GRM7: variants seen among roughly 807,000 people sequenced by gnomAD.
GRM7 encodes the protein glutamate metabotropic receptor 7.
GRM7 carries 35 observed loss-of-function variants against 84.5 expected under a neutral mutation model. That is an observed-to-expected ratio of 0.41 (90% CI 0.32 to 0.55). The LOEUF (loss-of-function observed/expected upper bound fraction) is 0.55. Ranked by LOEUF, GRM7 falls within the 20% of genes least tolerant of loss-of-function variation. The pLI is 0.19. For synonymous variants in GRM7, 487 were observed against 455.1 expected (o/e 1.07, Z -0.89); for missense variants, 1,003 against 1,194.6 (o/e 0.84, Z 2.36).
chr3:6,964,957 C>G (rs1693456821), intron 1 of GRM7, among the ~76,000 whole-genome samples: 2 of 152,178 alleles, frequency 1.3e-5, no homozygotes, highest in African/African-American at 4.8e-5. Flanking sequence ...TTCCAAATGT[C>G]TATTTTATCT....
intron 3 of GRM7, among the ~76,000 whole-genome samples, chr3:7,305,760 T>C (rs921241984): frequency 3.4e-4 from 52 of 152,248 alleles, no homozygotes; most frequent in African/African-American, 1.2e-3. Flanking sequence ...CTGTGGTGCC[T>C]GATACTCCCA....
At chr3:7,405,042 A>G (rs931992835) in intron 4 of GRM7, among the ~76,000 whole-genome samples, 4 of 152,144 alleles carry the variant, frequency 2.6e-5, no homozygotes, top group Admixed American at 6.5e-5. Flanking sequence ...AGAACAGTAC[A>G]TTTATGTTCA....
intron 7 of GRM7, among the ~76,000 whole-genome samples, chr3:7,466,447 A>G (rs936566643): frequency 2.0e-5 from 3 of 152,222 alleles, no homozygotes; most frequent in Non-Finnish European, 2.9e-5. Flanking sequence ...GGGTAGGAGT[A>G]TATTTCTGAA....
At chr3:6,932,754 T>C (rs1377888377) in intron 1 of GRM7, among the ~76,000 whole-genome samples, 54 of 111,894 alleles carry the variant, frequency 4.8e-4, no homozygotes, top group Admixed American at 5.9e-4. Flanking sequence ...TTTCTCTCTT[T>C]TTTTTTTTTT....
chr3:7,659,254 G>A (rs1396355389), intron 8 of GRM7, among the ~76,000 whole-genome samples: 1 of 152,204 alleles, frequency 6.6e-6, no homozygotes, highest in East Asian at 1.9e-4. Flanking sequence ...CAAGGACACT[G>A]AGGGATGGGG....
At chr3:7,175,072 G>A (rs946687152) in intron 2 of GRM7, among the ~76,000 whole-genome samples, 2 of 152,204 alleles carry the variant, frequency 1.3e-5, no homozygotes, top group African/African-American at 4.8e-5. Context: ...AATAGAAAAG[G>A]AGATGAATGG....
intron 5 of GRM7, among the ~76,000 whole-genome samples, chr3:7,419,537 A>G (rs1696311119): frequency 1.3e-5 from 2 of 152,166 alleles, no homozygotes; most frequent in Admixed American, 1.3e-4. Flanking sequence ...GTCTAATAGC[A>G]TCAAATATCT....
chr3:7,487,283 A>G (rs973489884), intron 7 of GRM7, among the ~76,000 whole-genome samples: 1 of 152,170 alleles, frequency 6.6e-6, no homozygotes, highest in African/African-American at 2.4e-5. Context: ...GAGTCTGAAA[A>G]TTTGGAAAAT....
At chr3:7,457,445 A>G (rs1476609189) in intron 6 of GRM7, among the ~76,000 whole-genome samples, 1 of 152,190 alleles carries the variant, frequency 6.6e-6, no homozygotes, top group African/African-American at 2.4e-5. Context: ...TCAAATATAA[A>G]TTTAAGTAAT....
At chr3:7,217,356 G>T (rs1012780570) in intron 2 of GRM7, among the ~76,000 whole-genome samples, 3 of 152,134 alleles carry the variant, frequency 2.0e-5, no homozygotes, top group Non-Finnish European at 4.4e-5. Context: ...CCTATGGCAT[G>T]CTGATGTCTT....
intron 4 of GRM7, among the ~76,000 whole-genome samples, chr3:7,319,980 A>T (rs543948692): frequency 6.6e-6 from 1 of 152,188 alleles, no homozygotes; most frequent in African/African-American, 2.4e-5. Flanking sequence ...CACCAGATAG[A>T]TTCTCAGGGT....
At chr3:7,633,697 A>G (rs1360147591) in intron 8 of GRM7, among the ~76,000 whole-genome samples, 1 of 152,078 alleles carries the variant, frequency 6.6e-6, no homozygotes, top group Non-Finnish European at 1.5e-5. Flanking sequence ...CTCTTAGAAG[A>G]TAATAACAAA....
chr3:7,106,652 C>G (rs1178016044), intron 1 of GRM7, among the ~76,000 whole-genome samples: 1 of 151,972 alleles, frequency 6.6e-6, no homozygotes, highest in East Asian at 1.9e-4. Flanking sequence ...GGCACTAGGT[C>G]CATTTTAGTC....
chr3:6,896,655 G>T (rs973693232), intron 1 of GRM7, among the ~76,000 whole-genome samples: 1 of 152,120 alleles, frequency 6.6e-6, no homozygotes, highest in Non-Finnish European at 1.5e-5. Flanking sequence ...GAGAGGCAGG[G>T]TATTCACTCA....
Position 7,493,849 on chromosome 3 carries a change from A to G in GRM7, c.1515+32127A>G, listed in dbSNP as rs114943762. ...TGAGTGTATCTGTATTTCTCATAATAGTTGTTCTGGGTATTAAAATATATG... is the reference window on the plus strand; with the variant it reads ...TGAGTGTATCTGTATTTCTCATAATGGTTGTTCTGGGTATTAAAATATATG... On this transcript the variant is annotated intron_variant, in intron 7 of 9. Coordinates refer to ENST00000357716, the MANE Select transcript of GRM7 (RefSeq NM_000844.4). 8.9e-4 allele frequency among the ~76,000 whole-genome samples: 136 copies of G among 152,102 alleles called. 1 individual carries two copies. Among genetic ancestry groups the G allele is most frequent in the African/African-American group, 3.1e-3 (129 of 41,522 alleles).
At chr3:7,074,846 C>CAAT (rs1698008282) in intron 1 of GRM7, among the ~76,000 whole-genome samples, 1 of 152,124 alleles carries the variant, frequency 6.6e-6, no homozygotes, top group African/African-American at 2.4e-5. Context: ...AATGCAGGGA[C>CAAT]ATATTAGCTA....
At chr3:7,150,686 A>C (rs1682405886) in intron 2 of GRM7, among the ~76,000 whole-genome samples, 2 of 152,218 alleles carry the variant, frequency 1.3e-5, no homozygotes, top group African/African-American at 4.8e-5. Context: ...AAGGCAATTT[A>C]TTTCTTAATA....
At chr3:7,136,610 T>A (rs1370997880) in intron 1 of GRM7, among the ~76,000 whole-genome samples, 1 of 152,082 alleles carries the variant, frequency 6.6e-6, no homozygotes, top group Non-Finnish European at 1.5e-5. Context: ...ATCAGAGACC[T>A]ACCCAGGACA....
intron 8 of GRM7, among the ~76,000 whole-genome samples, chr3:7,606,050 C>A (rs1337012675): frequency 6.6e-6 from 1 of 152,182 alleles, no homozygotes; most frequent in African/African-American, 2.4e-5. Context: ...AAGACTCTGA[C>A]AAATAGAAAC....
Sources: gnomAD v4.1 joint callset for allele counts (sites outside exome capture counted in the v4.1 genomes callset) on GRCh38, gnomAD v4.1.1 for gene constraint, MANE v1.5 for transcripts, NCBI Gene and HGNC (gene_info 2026-07-23, HGNC 2026-07-21) for gene names.